ZKSCAN4: variants seen among roughly 807,000 people sequenced by gnomAD.
ZKSCAN4 encodes the protein zinc finger with KRAB and SCAN domains 4.
Under a neutral mutation model 30.8 loss-of-function variants are expected in ZKSCAN4, and 23 were observed. The observed-to-expected ratio is 0.75, with a 90% confidence interval of 0.54 to 1.06. The LOEUF (loss-of-function observed/expected upper bound fraction) is 1.06, where lower values mean the gene tolerates loss of function less well. Among genes scored for constraint, ZKSCAN4 ranks in the 50% least tolerant of loss-of-function variants. The pLI is 0.00. For missense variants in ZKSCAN4, 556 were observed against 665.4 expected (o/e 0.84, Z 1.81); for synonymous variants, 208 against 252.5 (o/e 0.82, Z 1.67).
At chr6:28,254,052 C>CTATA (rs141611922), upstream of ZKSCAN4, among the ~76,000 whole-genome samples, 1,512 of 152,302 alleles carry the variant, frequency 9.9e-3, 30 homozygotes, top group African/African-American at 0.034. Flanking sequence ...GTGGGACATT[C>CTATA]TATAGAACAG....
chr6:28,251,781 G>A lies in ZKSCAN4; in HGVS notation c.200C>T (p.Pro67Leu). The change falls in exon 1 of 5, where the codon CCC (proline) becomes CTC (leucine). Residue 67 changes from proline (P) to leucine (L), a missense_variant. Physicochemically the swap from Pro to Leu is moderately conservative, Grantham distance 98. Transcript: ENST00000377294. This position sits in a 1 kb window ranked among gnomAD's most constrained non-coding sequence, Gnocchi z 4.5. ...TCGGAGCCGGCTCAACGCCTCGCGG[G>A]GGCCCGCAGCCTCCGGGTAGCGGAA... ...RGFRYPEAAG[P>L]REALSRLREL... 1 of 1,614,058 alleles carries A rather than the reference G, an allele frequency of 6.2e-7. No homozygotes were observed. The highest frequency in any genetic ancestry group is 8.5e-7 in the Non-Finnish European group (1 of 1,179,912).
In ZKSCAN4 at chr6:28,245,321, C is replaced by T; in HGVS notation, c.1433G>A (p.Trp478Ter). 1.9e-6 allele frequency: 3 copies of T among 1,614,168 alleles called. No individual in the cohort carries two copies. The highest frequency in any genetic ancestry group is 2.5e-6 in the Non-Finnish European group (3 of 1,180,024). ...AGACACGGGAGCCTCAGTATTTTCCCACTGGCTTTCCGTCCTACCCTGACT... is the reference window on the plus strand; with the variant it reads ...AGACACGGGAGCCTCAGTATTTTCCTACTGGCTTTCCGTCCTACCCTGACT... ...WESQGRTESQWENTEAPVSYK... is the reference protein window; with the variant it reads ...WESQGRTESQ The change falls in exon 5 of 5, where the codon TGG becomes TAG. Residue 478 changes from tryptophan (W) to a stop codon, truncating the protein, a stop_gained. Coordinates refer to ENST00000377294, the MANE Select transcript of ZKSCAN4 (RefSeq NM_019110.5). LOFTEE classifies it low-confidence loss of function (END_TRUNC).
intron 2 of ZKSCAN4, among the ~76,000 whole-genome samples, chr6:28,248,424 G>A (rs1001885007): frequency 6.6e-6 from 1 of 152,122 alleles, no homozygotes; most frequent in African/African-American, 2.4e-5. Context: ...AAGACCTTTG[G>A]GTTTTGAATT....
In ZKSCAN4 at chr6:28,251,842, G is replaced by C; in HGVS notation, c.139C>G (p.Arg47Gly). 1.9e-6 allele frequency: 3 copies of C among 1,609,512 alleles called. No individual in the cohort carries two copies. Among genetic ancestry groups the C allele is most frequent in the Non-Finnish European group, 1.7e-6 (2 of 1,177,426 alleles). Reference protein sequence around the residue: ...AEVRAPCSPARGPERSRQRFR... With the variant: ...AEVRAPCSPAGGPERSRQRFR... ...CGCTGGCGGGAGCGTTCGGGGCCCC[G>C]AGCAGGGCTGCAGGGTGCTCTCACC... Residue 47 changes from arginine to glycine, a missense_variant, in exon 1 of 5, where the codon CGG (arginine) becomes GGG (glycine). Arg to Gly is a moderately radical substitution (Grantham distance 125). This residue lies in a region of ZKSCAN4 where 115 missense variants were observed against 125.9 expected (regional missense o/e 0.91). Transcript: ENST00000377294. This position sits in a 1 kb window ranked among gnomAD's most constrained non-coding sequence, Gnocchi z 4.5.
chr6:28,259,040 T>C, the ZKSCAN4 span, among the ~76,000 whole-genome samples: 2 of 151,830 alleles, frequency 1.3e-5, no homozygotes, highest in South Asian at 2.1e-4. Context: ...AGAAGCAAAA[T>C]GGTAAAAGCG....
upstream of ZKSCAN4, among the ~76,000 whole-genome samples, chr6:28,253,770 A>G (rs1022032806): frequency 6.6e-6 from 1 of 152,144 alleles, no homozygotes; most frequent in African/African-American, 2.4e-5. The surrounding 1 kb of genome is among the most constrained non-coding windows in gnomAD (Gnocchi z 4.2). Flanking sequence ...CAGTGGCGCA[A>G]TCTTGGCTCA....
Position 28,249,392 on chromosome 6 carries a change from A to G in ZKSCAN4, c.571+295T>C, listed in dbSNP as rs1392650715. 6.6e-6 allele frequency among the ~76,000 whole-genome samples: 1 copy of G among 152,230 alleles called. No individual in the cohort carries two copies. Among genetic ancestry groups the G allele is most frequent in the East Asian group, 1.9e-4 (1 of 5,206 alleles). On this transcript the variant is annotated intron_variant, in intron 2 of 4. Transcript: ENST00000377294. The surrounding 1 kb of genome is among the most constrained non-coding windows in gnomAD (Gnocchi z 4.1). ...GGTGGCTCTCTCCCCAGTGCCTACA[A>G]CACTGGCTACCATAGATGAAGGCTC...
In ZKSCAN4 at chr6:28,249,689, C is replaced by CT. The variant is rs746703553; in HGVS notation, c.568dup (p.Arg190LysfsTer59). On this transcript the variant is annotated frameshift_variant, in exon 2 of 5. Transcript: ENST00000377294. LOFTEE classifies it high-confidence loss of function. This position sits in a 1 kb window ranked among gnomAD's most constrained non-coding sequence, Gnocchi z 4.1. Reference sequence around the variant, plus strand: ...ACAACCCAGAAGAGAATACTCACCTCTATCGTGTAAGGGCTGGGATCCCAG... The same window carrying CT: ...ACAACCCAGAAGAGAATACTCACCTCTTATCGTGTAAGGGCTGGGATCCCAG... The CT allele has an allele frequency of 1.2e-6, 2 of 1,613,822 alleles. No homozygotes were observed. Among genetic ancestry groups the CT allele is most frequent in the Admixed American group, 3.3e-5 (2 of 59,976 alleles).
chr6:28,243,131 TAAAG>T lies in ZKSCAN4; in HGVS notation c.*1981_*1984del, dbSNP rs1464849489. On this transcript the variant is annotated 3_prime_UTR_variant, in exon 5 of 5. Transcript: ENST00000377294. Reference sequence around the variant, plus strand: ...GCTAGCTTTGTGGAAATAACATAAATAAAGCTGATTTTAAAGAAATTTGAAAAGG... The same window carrying T: ...GCTAGCTTTGTGGAAATAACATAAATCTGATTTTAAAGAAATTTGAAAAGG... Among the ~76,000 whole-genome samples the T allele has an allele frequency of 6.6e-6, 1 of 152,106 alleles. No homozygotes were observed. The highest frequency in any genetic ancestry group is 1.5e-5 in the Non-Finnish European group (1 of 67,998).
intron 3 of ZKSCAN4, among the ~76,000 whole-genome samples, 165 bp from the exon 4 acceptor site, chr6:28,247,257 A>C (rs1286433618): frequency 6.6e-6 from 1 of 152,232 alleles, no homozygotes; most frequent in East Asian, 1.9e-4. Flanking sequence ...AAACCTGCCA[A>C]ATGAAAGAAA....
chr6:28,257,642 A>T, the ZKSCAN4 span, among the ~76,000 whole-genome samples: 28 of 152,202 alleles, frequency 1.8e-4, no homozygotes, highest in Admixed American at 1.8e-3. Flanking sequence ...ATTTTGTCTT[A>T]AAAAAAGTAT....
At chr6:28,247,794 A>G (rs1719210910) in intron 3 of ZKSCAN4, among the ~76,000 whole-genome samples, 1 of 152,248 alleles carries the variant, frequency 6.6e-6, no homozygotes, top group South Asian at 2.1e-4. Flanking sequence ...GAAAAATCAC[A>G]TTGAAGAAGA....
In ZKSCAN4 at chr6:28,242,364, CTG is replaced by C. The variant is rs1200022785; in HGVS notation, c.*2750_*2751del. ...ATAGAAAAGTGGAGTATCTAAAAGA[CTG>C]TAAGCAAAATGATTTTATTTGATAT... On this transcript the variant is annotated 3_prime_UTR_variant, in exon 5 of 5. Transcript: ENST00000377294. Among the ~76,000 whole-genome samples, 2 of 152,030 alleles carry C rather than the reference CTG, an allele frequency of 1.3e-5. No homozygotes were observed. The highest frequency in any genetic ancestry group is 6.6e-5 in the Admixed American group (1 of 15,260).
In ZKSCAN4 at chr6:28,251,578, G is replaced by T. The variant is rs1333596217; in HGVS notation, c.403C>A (p.Leu135Met). 1.9e-6 allele frequency: 3 copies of T among 1,613,996 alleles called. No homozygotes were observed. Among genetic ancestry groups the T allele is most frequent in the Non-Finnish European group, 2.5e-6 (3 of 1,180,020 alleles). The change falls in exon 1 of 5, where the codon CTG becomes ATG. Residue 135 changes from leucine (L) to methionine (M), a missense_variant. Physicochemically the swap from Leu to Met is conservative, Grantham distance 15 (BLOSUM62 2). Coordinates refer to ENST00000377294, the MANE Select transcript of ZKSCAN4 (RefSeq NM_019110.5). The surrounding 1 kb of genome is among the most constrained non-coding windows in gnomAD (Gnocchi z 4.5). ...VVLLEYLERQ[L>M]DEPAPQVPVG... ...TCTACCTGCGGCGCCGGCTCATCCA[G>T]CTGCCTCTCCAAATACTCCAATAGC... is the stretch of plus-strand genomic sequence containing the variant.
At chr6:28,250,076 T>G (rs542040863) in intron 1 of ZKSCAN4, among the ~76,000 whole-genome samples, 3 of 151,880 alleles carry the variant, frequency 2.0e-5, no homozygotes, top group African/African-American at 7.2e-5. Flanking sequence ...TTTTTGTTTT[T>G]TTTTTTTTGA....
rs368794375 is a variant in ZKSCAN4 at position 28,248,096 on chromosome 6, C to A, written c.625G>T (p.Val209Leu). Residue 209 changes from valine to leucine, a missense_variant, in exon 3 of 5, where the codon GTA (valine) becomes TTA (leucine). Physicochemically the swap from Val to Leu is conservative, Grantham distance 32. This residue lies in a region of ZKSCAN4 where 433 missense variants were observed against 511.5 expected (regional missense o/e 0.85). Transcript: ENST00000377294. ...QGGCCREDAM[V>L]ASRLTPGSQG... ...GACCCTGGAGTGAGCCTGGAAGCTA[C>A]CATTGCATCTTCTCTGCAGCACCCT... 6.2e-7 allele frequency: 1 copy of A among 1,613,586 alleles called. No homozygotes were observed. The highest frequency in any genetic ancestry group is 8.5e-7 in the Non-Finnish European group (1 of 1,179,730).
rs375885409 is a variant in ZKSCAN4 at position 28,249,845 on chromosome 6, C to T, written c.424-11G>A. The T allele has an allele frequency of 3.1e-5, 50 of 1,611,280 alleles. No homozygotes were observed. The highest frequency in any genetic ancestry group is 1.9e-4 in the Admixed American group (11 of 59,164). On this transcript the variant is annotated splice_polypyrimidine_tract_variant and intron_variant, in intron 1 of 4. Transcript: ENST00000377294. This position sits in a 1 kb window ranked among gnomAD's most constrained non-coding sequence, Gnocchi z 4.1. ...GTCACCAACGGGAACCTAGAAGTCA[C>T]GATTTTTAGTTATCTACCCAACATT... is the stretch of plus-strand genomic sequence containing the variant.
intron 2 of ZKSCAN4, among the ~76,000 whole-genome samples, chr6:28,248,467 T>TG (rs765107882): frequency 2.0e-5 from 3 of 152,174 alleles, no homozygotes; most frequent in Non-Finnish European, 4.4e-5. Flanking sequence ...GAGGGTTTTT[T>TG]GTTTTTGTTT....
In ZKSCAN4 at chr6:28,251,795, C is replaced by T. The variant is rs1474051003; in HGVS notation, c.186G>A (p.Pro62=). Residue 62 remains proline, a synonymous_variant, in exon 1 of 5, where the codon CCG becomes CCA. Transcript: ENST00000377294. The surrounding 1 kb of genome is among the most constrained non-coding windows in gnomAD (Gnocchi z 4.5). ...SRQRFRGFRY[P]EAAGPREALS... ...ACGCCTCGCGGGGGCCCGCAGCCTCCGGGTAGCGGAAGCCTCGGAAGCGCT... is the reference window on the plus strand; with the variant it reads ...ACGCCTCGCGGGGGCCCGCAGCCTCTGGGTAGCGGAAGCCTCGGAAGCGCT... 1 of 1,613,718 alleles carries T rather than the reference C, an allele frequency of 6.2e-7. No homozygotes were observed. The highest frequency in any genetic ancestry group is 2.2e-5 in the East Asian group (1 of 44,864).
Sources: gnomAD v4.1 joint callset for allele counts (sites outside exome capture counted in the v4.1 genomes callset) on GRCh38, gnomAD v4.1.1 for gene constraint, gnomAD v4.1.1 regional missense constraint, Gnocchi (gnomAD v3.1) non-coding constraint, MANE v1.5 for transcripts, NCBI Gene and HGNC (gene_info 2026-07-23, HGNC 2026-07-21) for gene names.